Variants in ZFHX3 observed in about 807,000 individuals in gnomAD.
ZFHX3 encodes zinc finger homeobox protein 3.
A neutral mutation model predicts 279.1 loss-of-function variants in ZFHX3; 42 were observed. The ratio of observed to expected loss-of-function variants is 0.15; its 90% CI spans 0.12 to 0.19. The LOEUF (loss-of-function observed/expected upper bound fraction) is 0.19, where lower values mean the gene tolerates loss of function less well. Ranked by LOEUF, ZFHX3 falls within the 10% of genes least tolerant of loss-of-function variation. The probability of loss-of-function intolerance (pLI) is 1.00; values close to 1 mark genes in which losing one functional copy is unlikely to be tolerated. For missense variants in ZFHX3, 4,981 were observed against 4,754.0 expected, an observed-to-expected ratio of 1.05 and a Z score of -1.40; for synonymous variants, 2,293 against 1,957.8, an observed-to-expected ratio of 1.17 and a Z score of -4.52.
chr16:73,876,208 T>TA, intron 1 of ZFHX3, among the ~76,000 whole-genome samples: 1 of 152,312 alleles, frequency 6.6e-6, no homozygotes, highest in East Asian at 1.9e-4. Context: ...AAATCAGGTT[T>TA]ATGTTTCTGG....
chr16:72,845,265 C>T (rs570440855), intron 4 of ZFHX3, among the ~76,000 whole-genome samples: 5 of 152,262 alleles, frequency 3.3e-5, no homozygotes, highest in African/African-American at 1.2e-4. Flanking sequence ...ACTGGAACCC[C>T]CTCCCCCTGC....
intron 5 of ZFHX3, among the ~76,000 whole-genome samples, chr16:73,164,511 C>G (rs536146789): frequency 1.5e-4 from 23 of 152,032 alleles, no homozygotes; most frequent in Non-Finnish European, 2.9e-4. Context: ...ACCAGCCTGA[C>G]CAACATGGGG....
intron 4 of ZFHX3, among the ~76,000 whole-genome samples, chr16:73,281,068 A>G (rs1482772087): frequency 1.3e-5 from 2 of 151,450 alleles, no homozygotes; most frequent in Non-Finnish European, 3.0e-5. Context: ...AGGAGATAGT[A>G]TAAAAGTTTC....
At chr16:72,943,156 C>G (rs796312417) in intron 3 of ZFHX3, among the ~76,000 whole-genome samples, 9 of 152,328 alleles carry the variant, frequency 5.9e-5, no homozygotes, top group African/African-American at 2.2e-4. Context: ...CGTTGTACAG[C>G]TAGCCATTGA....
chr16:73,061,339 C>G (rs1597143633), upstream of ZFHX3: 1 of 149,926 alleles, frequency 6.7e-6, no homozygotes, highest in East Asian at 1.9e-4. Flanking sequence ...TCTCTAGGAG[C>G]CTGCAAAGAT....
At chr16:73,768,876 T>C (rs1444117981) in intron 1 of ZFHX3, among the ~76,000 whole-genome samples, 1 of 152,148 alleles carries the variant, frequency 6.6e-6, no homozygotes, top group African/African-American at 2.4e-5. Flanking sequence ...AAACTGACTA[T>C]TCCAGCTGAG....
chr16:72,999,583 G>GA (rs1360770224), intron 1 of ZFHX3, among the ~76,000 whole-genome samples: 2 of 152,206 alleles, frequency 1.3e-5, no homozygotes, highest in Admixed American at 1.3e-4. Context: ...CCGCTAACCA[G>GA]AAAACTTCGC....
chr16:72,875,577 C>A (rs1037639749), intron 4 of ZFHX3, among the ~76,000 whole-genome samples: 1 of 152,242 alleles, frequency 6.6e-6, no homozygotes, highest in Non-Finnish European at 1.5e-5. Flanking sequence ...ACTAGAAGAG[C>A]TGCTTCTCCT....
chr16:73,016,451 AGATACGACTTTGAATAGT>A (rs1232536868), intron 1 of ZFHX3, among the ~76,000 whole-genome samples: 2 of 152,134 alleles, frequency 1.3e-5, no homozygotes, highest in Non-Finnish European at 2.9e-5. Context: ...TGCTTGTGAA[AGATACGACTTTGAATAGT>A]GAAAGTCCCA....
At chr16:72,873,811 G>A (rs531013948) in intron 4 of ZFHX3, among the ~76,000 whole-genome samples, 6 of 152,216 alleles carry the variant, frequency 3.9e-5, no homozygotes, top group Non-Finnish European at 5.9e-5. Context: ...CTCAGTCTAC[G>A]GAGCTTGCTT....
intron 1 of ZFHX3, among the ~76,000 whole-genome samples, chr16:73,013,143 C>T (rs1963972583): frequency 6.6e-6 from 1 of 152,192 alleles, no homozygotes; most frequent in South Asian, 2.1e-4. Flanking sequence ...AGGAGGCCAC[C>T]ATCCTGAACA....
At chr16:73,353,295 G>A (rs757861518) in intron 3 of ZFHX3, among the ~76,000 whole-genome samples, 8 of 152,042 alleles carry the variant, frequency 5.3e-5, no homozygotes, top group Admixed American at 3.9e-4. Flanking sequence ...GGTTTTCACC[G>A]AGTCCCCCTG....
At chr16:73,105,408 T>TACACACACACATATATATATATATAC in intron 7 of ZFHX3, among the ~76,000 whole-genome samples, 1 of 82,780 alleles carries the variant, frequency 1.2e-5, no homozygotes, top group Non-Finnish European at 2.6e-5. Context: ...TATATATATA[T>TACACACACACATATATATATATATAC]ACACACACAC....
intron 4 of ZFHX3, among the ~76,000 whole-genome samples, chr16:73,267,409 G>T (rs529936402): frequency 1.2e-3 from 182 of 152,196 alleles, no homozygotes; most frequent in African/African-American, 4.2e-3. Context: ...CTTCCGACTC[G>T]GTTTGAAGAA....
chr16:72,945,909 C>G (rs149239825), intron 3 of ZFHX3, among the ~76,000 whole-genome samples: 10 of 152,226 alleles, frequency 6.6e-5, no homozygotes, highest in Middle Eastern at 3.4e-3. Context: ...CCTAAGACCC[C>G]CACTTCCCCC....
chr16:72,837,526 T>C (rs1348804003), intron 4 of ZFHX3, among the ~76,000 whole-genome samples: 2 of 148,784 alleles, frequency 1.3e-5, no homozygotes, highest in Non-Finnish European at 3.0e-5. Context: ...TCACCCAGGC[T>C]GGAGTGCAGT....
intron 2 of ZFHX3, among the ~76,000 whole-genome samples, chr16:73,649,996 T>C (rs754711746): frequency 5.3e-5 from 8 of 152,312 alleles, no homozygotes; most frequent in Non-Finnish European, 8.8e-5. Context: ...AAACAACTTA[T>C]TTATCTGTGC....
intron 4 of ZFHX3, among the ~76,000 whole-genome samples, chr16:73,280,677 A>G (rs1011899665): frequency 1.3e-5 from 2 of 152,082 alleles, no homozygotes; most frequent in Non-Finnish European, 2.9e-5. Context: ...TACAGCCATT[A>G]TAGAAAATAG....
At chr16:73,197,325 G>T (rs1444480294) in intron 5 of ZFHX3, among the ~76,000 whole-genome samples, 1 of 152,104 alleles carries the variant, frequency 6.6e-6, no homozygotes, top group Non-Finnish European at 1.5e-5. Flanking sequence ...TATATCCACG[G>T]CATGAGAGCG....
Sources: allele counts gnomAD v4.1 joint callset (sites outside exome capture counted in the v4.1 genomes callset), GRCh38; gene constraint gnomAD v4.1.1; transcripts MANE v1.5; gene names NCBI Gene and HGNC (gene_info 2026-07-23, HGNC 2026-07-21).